FRMD3: variants seen among roughly 807,000 people sequenced by gnomAD.
FRMD3 encodes the protein FERM domain containing 3.
Under a neutral mutation model 70.2 loss-of-function variants are expected in FRMD3, and 33 were observed. The observed-to-expected ratio is 0.47, with a 90% CI of 0.36 to 0.63. The LOEUF (loss-of-function observed/expected upper bound fraction) is 0.63. FRMD3 is among the 20% of genes least tolerant of loss of function. The pLI is 0.00. For missense variants in FRMD3, 632 were observed against 711.4 expected (o/e 0.89, Z 1.27); for synonymous variants, 279 against 255.9 (o/e 1.09, Z -0.86).
At chr9:83,491,650 C>CAA (rs1358640130) in intron 1 of FRMD3, among the ~76,000 whole-genome samples, 2 of 152,128 alleles carry the variant, frequency 1.3e-5, no homozygotes, top group Admixed American at 1.3e-4. Flanking sequence ...TGTCCTTCCA[C>CAA]AAAAATCCTC....
At chr9:83,456,618 G>A (rs971502388) in intron 1 of FRMD3, among the ~76,000 whole-genome samples, 1 of 152,118 alleles carries the variant, frequency 6.6e-6, no homozygotes, top group African/African-American at 2.4e-5. Context: ...ATCTCAAGGA[G>A]GTTTTAATTT....
chr9:83,344,824 A>AGAGAGTGTGTGT (rs376018449), intron 4 of FRMD3, among the ~76,000 whole-genome samples: 3 of 143,972 alleles, frequency 2.1e-5, no homozygotes, highest in African/African-American at 7.7e-5. Flanking sequence ...TGCATGTGTG[A>AGAGAGTGTGTGT]GTGTGTGTGT....
intron 1 of FRMD3, among the ~76,000 whole-genome samples, chr9:83,469,530 C>G (rs948594074): frequency 3.9e-5 from 6 of 152,204 alleles, no homozygotes; most frequent in African/African-American, 1.4e-4. Flanking sequence ...AAGGAGTCAT[C>G]TCTTATTCAT....
upstream of FRMD3, among the ~76,000 whole-genome samples, chr9:83,539,840 T>C (rs1273605084): frequency 1.3e-5 from 2 of 152,214 alleles, no homozygotes; most frequent in East Asian, 3.8e-4. Context: ...ATGTTTTATG[T>C]AGCACTCAAT....
chr9:83,253,338 T>G (rs1035690696), intron 13 of FRMD3, among the ~76,000 whole-genome samples: 10 of 152,126 alleles, frequency 6.6e-5, no homozygotes, highest in African/African-American at 2.4e-4. Flanking sequence ...AAAGAGACAA[T>G]GTACCAGAAT....
chr9:83,512,865 G>A (rs1405084537), intron 1 of FRMD3, among the ~76,000 whole-genome samples: 2 of 152,202 alleles, frequency 1.3e-5, no homozygotes, highest in Non-Finnish European at 2.9e-5. Flanking sequence ...GGTCCACTTT[G>A]AAGACATCCT....
chr9:83,405,113 G>A (rs1260842132), intron 1 of FRMD3, among the ~76,000 whole-genome samples: 5 of 152,126 alleles, frequency 3.3e-5, no homozygotes, highest in Non-Finnish European at 7.3e-5. Context: ...CCATTTCGGG[G>A]ACCCCTTGTA....
chr9:83,314,256 C>A (rs1835475787), intron 6 of FRMD3, among the ~76,000 whole-genome samples: 1 of 152,100 alleles, frequency 6.6e-6, no homozygotes, highest in Non-Finnish European at 1.5e-5. Flanking sequence ...AACCACTAGT[C>A]CTAGCACTGT....
rs1238718103 is a variant in FRMD3, at chr9:83,391,720, C to T, written c.148-2012G>A. On this transcript the variant is annotated intron_variant, in intron 1 of 13. Coordinates refer to ENST00000304195, the MANE Select transcript of FRMD3 (RefSeq NM_174938.6). Reference sequence around the variant, plus strand: ...TGAGAGAAGAAAATGCTGCTGCAGACAACGCAGTGATTAGAGCAGGCAACC... The same window carrying T: ...TGAGAGAAGAAAATGCTGCTGCAGATAACGCAGTGATTAGAGCAGGCAACC... Among the ~76,000 whole-genome samples the T allele has an allele frequency of 2.6e-5, 4 of 152,166 alleles. 1 individual carries two copies. In the East Asian group the frequency reaches 7.7e-4, roughly 29 times the overall value.
At chr9:83,290,549 T>C in intron 13 of FRMD3, 54 bp downstream of exon 13, 1 of 1,611,094 alleles carries the variant, frequency 6.2e-7, no homozygotes, top group East Asian at 2.2e-5. Flanking sequence ...CCTCCCTTGT[T>C]TTTTCCAGAG....
chr9:83,502,981 G>A (rs896209694), intron 1 of FRMD3, among the ~76,000 whole-genome samples: 12 of 152,036 alleles, frequency 7.9e-5, no homozygotes, highest in African/African-American at 2.9e-4. Context: ...GCAAAGATAG[G>A]CCCTCATGAC....
chr9:83,403,049 A>C (rs187589941), intron 1 of FRMD3, among the ~76,000 whole-genome samples: 1 of 151,540 alleles, frequency 6.6e-6, no homozygotes, highest in Non-Finnish European at 1.5e-5. Context: ...GATTACAGGC[A>C]CCCGCTACCA....
At chr9:83,396,097 T>C (rs941988907) in intron 1 of FRMD3, among the ~76,000 whole-genome samples, 2 of 152,206 alleles carry the variant, frequency 1.3e-5, no homozygotes, top group African/African-American at 4.8e-5. Context: ...AGAAATTCTG[T>C]GTTTGTTTAC....
At chr9:83,578,533 T>C in the FRMD3 span, among the ~76,000 whole-genome samples, 1 of 152,006 alleles carries the variant, frequency 6.6e-6, no homozygotes, top group African/African-American at 2.4e-5. Context: ...CACAAATCTA[T>C]AAATGTGATA....
the FRMD3 span, among the ~76,000 whole-genome samples, chr9:83,546,358 A>G: frequency 6.6e-6 from 1 of 152,130 alleles, no homozygotes; most frequent in Non-Finnish European, 1.5e-5. Context: ...CTGCGTCTCA[A>G]AAAACAAAAC....
At chr9:83,369,300 G>A (rs1417452260) in intron 3 of FRMD3, among the ~76,000 whole-genome samples, 1 of 152,134 alleles carries the variant, frequency 6.6e-6, no homozygotes, top group African/African-American at 2.4e-5. Context: ...TATAGGCCGG[G>A]CACAGTGGCT....
the FRMD3 span, among the ~76,000 whole-genome samples, chr9:83,550,036 C>T: frequency 0.011 from 1,717 of 152,076 alleles, 22 homozygotes; most frequent in African/African-American, 0.033. Context: ...TTCCTATGTC[C>T]GGGATAGTAT....
At position 83,247,481 on chromosome 9, in the gene FRMD3, T is replaced by C; in HGVS notation, c.*437A>G. The C allele has an allele frequency of 2.0e-6, 2 of 984,566 alleles. No individual in the cohort carries two copies. The highest frequency in any genetic ancestry group is 4.7e-5 in the South Asian group (1 of 21,254). 61.0% of individuals were successfully genotyped at this position (984,566 alleles called of 1,614,324 possible). On this transcript the variant is annotated 3_prime_UTR_variant, in exon 14 of 14. Transcript: ENST00000304195. ...AAAACCCAGCATAAATTTAGTTGTATAGGCATTGGTTAGAGGACACTGTTT... is the reference window on the plus strand; with the variant it reads ...AAAACCCAGCATAAATTTAGTTGTACAGGCATTGGTTAGAGGACACTGTTT...
intron 12 of FRMD3, among the ~76,000 whole-genome samples, chr9:83,291,014 T>TA (rs890904938): frequency 6.6e-6 from 1 of 151,452 alleles, no homozygotes; most frequent in African/African-American, 2.4e-5. Flanking sequence ...GGGCGTTTTT[T>TA]AAAAAAAAAG....
Sources: gnomAD v4.1 joint callset for allele counts (sites outside exome capture counted in the v4.1 genomes callset) on GRCh38, gnomAD v4.1.1 for gene constraint, MANE v1.5 for transcripts, NCBI Gene and HGNC (gene_info 2026-07-23, HGNC 2026-07-21) for gene names.